The following FZD6 variants were observed in gnomAD, a reference collection of about 807,000 sequenced individuals.
FZD6 encodes the protein frizzled class receptor 6, also known as frizzled-6.
FZD6 carries 49 observed loss-of-function variants against 61.4 expected under a neutral mutation model. That is an observed-to-expected ratio of 0.80 (90% CI 0.63 to 1.01). The LOEUF (loss-of-function observed/expected upper bound fraction) is 1.01, where lower values mean the gene tolerates loss of function less well. Ranked by LOEUF, FZD6 falls within the 50% of genes least tolerant of loss-of-function variation. FZD6 has a pLI of 0.00. For synonymous variants in FZD6, 265 were observed against 292.2 expected (o/e 0.91, Z 0.95); for missense variants, 724 against 848.2 (o/e 0.85, Z 1.82).
At chr8:103,316,377 G>A (rs1378638783) in intron 2 of FZD6, among the ~76,000 whole-genome samples, 2 of 152,158 alleles carry the variant, frequency 1.3e-5, no homozygotes, top group Non-Finnish European at 2.9e-5. Context: ...TGTCAAATGT[G>A]TTCTGATTAC....
At chr8:103,310,210 A>T (rs1241018422) in intron 2 of FZD6, among the ~76,000 whole-genome samples, 2 of 152,178 alleles carry the variant, frequency 1.3e-5, no homozygotes, top group East Asian at 3.9e-4. Flanking sequence ...CCACCTGCAG[A>T]TCAAACTGTG....
rs1288414004 is a variant in FZD6, at chr8:103,300,294, G to A, written c.177+10G>A. ...CGCGGTGGAAATGGAGGTGAGTAGT[G>A]CTTCATACGTTTATTGAATAGTAGT... On this transcript the variant is annotated intron_variant, in intron 2 of 6. Transcript: ENST00000358755. 6.4e-7 allele frequency: 1 copy of A among 1,560,486 alleles called. No homozygotes were observed.
rs2130254195 is a variant in FZD6, at chr8:103,300,042, G to A, written c.-66G>A. ...ATTTGAACATTTTATCTTTGGATGG[G>A]GATCTTCTGAGGATGCAAAGAGTGA... is the stretch of plus-strand genomic sequence containing the variant. On this transcript the variant is annotated 5_prime_UTR_variant, in exon 2 of 7. Coordinates refer to ENST00000358755, the MANE Select transcript of FZD6 (RefSeq NM_003506.4). 2 of 930,430 alleles carry A rather than the reference G, an allele frequency of 2.1e-6. No homozygotes were observed. Among genetic ancestry groups the A allele is most frequent in the Admixed American group, 3.5e-5 (2 of 57,612 alleles). 57.6% of individuals were successfully genotyped at this position (930,430 alleles called of 1,614,324 possible).
At chr8:103,302,728 G>T (rs557049997) in intron 2 of FZD6, among the ~76,000 whole-genome samples, 1 of 152,274 alleles carries the variant, frequency 6.6e-6, no homozygotes, top group Admixed American at 6.5e-5. Context: ...ATTAAACTGG[G>T]TGATTGTTTT....
intron 3 of FZD6, among the ~76,000 whole-genome samples, chr8:103,322,372 TAAA>T (rs11423905): frequency 1.7e-4 from 21 of 124,604 alleles, no homozygotes; most frequent in African/African-American, 2.1e-4. Context: ...CAGTCTCCAT[TAAA>T]AAAAAAAAAA....
intron 3 of FZD6, among the ~76,000 whole-genome samples, chr8:103,323,830 A>G (rs1371404468): frequency 1.3e-5 from 2 of 152,206 alleles, no homozygotes; most frequent in East Asian, 1.9e-4. Context: ...ATCTCCATCT[A>G]TCACTCAGGA....
chr8:103,320,104 T>TA (rs2130314787), intron 3 of FZD6, among the ~76,000 whole-genome samples: 1 of 16,254 alleles, frequency 6.2e-5, no homozygotes, highest in Non-Finnish European at 9.3e-5. Context: ...GCTGTGGATA[T>TA]AGTAGGTTTG....
intron 1 of FZD6, 132 bp from the exon 2 acceptor site, chr8:103,299,824 C>T (rs1168922330): frequency 5.1e-6 from 2 of 392,474 alleles, no homozygotes; most frequent in East Asian, 5.9e-5. Context: ...GGAAGAGTAT[C>T]TCGTTAGGAC....
Position 103,318,626 on chromosome 8 carries a change from A to G in FZD6, c.214A>G (p.Asn72Asp). The G allele has an allele frequency of 6.2e-7, 1 of 1,611,526 alleles. No homozygotes were observed. The highest frequency in any genetic ancestry group is 8.5e-7 in the Non-Finnish European group (1 of 1,177,658). The part of the protein sequence containing the change: ...LPLANLECSP[N>D]IETFLCKAFV... ...TCTCGCAAATCTGGAATGTTCACCAAACATTGAAACTTTCCTCTGCAAAGC... is the reference window on the plus strand; with the variant it reads ...TCTCGCAAATCTGGAATGTTCACCAGACATTGAAACTTTCCTCTGCAAAGC... The change falls in exon 3 of 7, where the codon AAC (asparagine) becomes GAC (aspartate). Residue 72 changes from asparagine to aspartate, a missense_variant. Coordinates refer to ENST00000358755, the MANE Select transcript of FZD6 (RefSeq NM_003506.4).
intron 2 of FZD6, among the ~76,000 whole-genome samples, chr8:103,301,069 G>A (rs374148475): frequency 3.9e-5 from 6 of 152,262 alleles, no homozygotes; most frequent in Non-Finnish European, 7.4e-5. Context: ...AAACAGAATA[G>A]TAAAGGCTTT....
chr8:103,322,505 C>G (rs1421555570), intron 3 of FZD6, among the ~76,000 whole-genome samples: 2 of 151,968 alleles, frequency 1.3e-5, no homozygotes, highest in Non-Finnish European at 2.9e-5. Flanking sequence ...AATTAGAGTT[C>G]ATGTGGAGAA....
At chr8:103,312,255 G>A (rs1165044115) in intron 2 of FZD6, among the ~76,000 whole-genome samples, 1 of 152,044 alleles carries the variant, frequency 6.6e-6, no homozygotes, top group African/African-American at 2.4e-5. Flanking sequence ...AATTAATAAC[G>A]CTGTTTTAGT....
rs766142758 is a variant in FZD6 at position 103,324,953 on chromosome 8, A to G, written c.847A>G (p.Thr283Ala). The G allele has an allele frequency of 1.2e-6, 2 of 1,614,120 alleles. No homozygotes were observed. The highest frequency in any genetic ancestry group is 2.2e-5 in the South Asian group (2 of 91,092). The change falls in exon 4 of 7, where the codon ACC becomes GCC. Residue 283 changes from threonine to alanine, a missense_variant. Thr to Ala is a moderately conservative substitution (Grantham distance 58, BLOSUM62 0). Coordinates refer to ENST00000358755, the MANE Select transcript of FZD6 (RefSeq NM_003506.4). ...VVLGSQNKAC[T>A]VLFMLLYFFT... ...CCTAGGCTCTCAAAATAAGGCTTGCACCGTTTTGTTCATGCTTTTGTATTT... is the reference window on the plus strand; with the variant it reads ...CCTAGGCTCTCAAAATAAGGCTTGCGCCGTTTTGTTCATGCTTTTGTATTT...
Position 103,324,667 on chromosome 8 carries a change from C to T in FZD6, c.561C>T (p.Asn187=), listed in dbSNP as rs1004957229. 6.2e-7 allele frequency: 1 copy of T among 1,613,886 alleles called. No homozygotes were observed. The highest frequency in any genetic ancestry group is 8.5e-7 in the Non-Finnish European group (1 of 1,179,880). The part of the protein sequence containing the change: ...GIDQCAPPCP[N]MYFKSDELEF... ...ACCAGTGTGCGCCTCCATGCCCCAA[C>T]ATGTATTTTAAAAGTGATGAGCTAG... The change falls in exon 4 of 7, where the codon AAC becomes AAT. Residue 187 remains asparagine, a synonymous_variant. Transcript: ENST00000358755.
At chr8:103,302,242 C>T (rs1814193013) in intron 2 of FZD6, among the ~76,000 whole-genome samples, 2 of 152,098 alleles carry the variant, frequency 1.3e-5, no homozygotes. Context: ...TTTCCTACTG[C>T]CCCTTTCCTA....
chr8:103,315,966 A>C (rs1229253922), intron 2 of FZD6, among the ~76,000 whole-genome samples: 1 of 152,166 alleles, frequency 6.6e-6, no homozygotes, highest in Non-Finnish European at 1.5e-5. Context: ...TAGATTAATC[A>C]GTTTAGCACT....
At chr8:103,328,058 C>T (rs538654334) in intron 4 of FZD6, among the ~76,000 whole-genome samples, 11 of 152,188 alleles carry the variant, frequency 7.2e-5, no homozygotes, top group African/African-American at 2.2e-4. Flanking sequence ...GTATTTTCCC[C>T]TTTCTAGAGA....
intron 2 of FZD6, among the ~76,000 whole-genome samples, chr8:103,301,495 T>C (rs574206634): frequency 6.6e-6 from 1 of 152,328 alleles, no homozygotes; most frequent in East Asian, 1.9e-4. Context: ...TGTTTTGTAG[T>C]GTTCATGTTT....
chr8:103,304,853 A>T (rs1251882830), intron 2 of FZD6, among the ~76,000 whole-genome samples: 1 of 152,238 alleles, frequency 6.6e-6, no homozygotes, highest in African/African-American at 2.4e-5. Flanking sequence ...AAATTTTTTA[A>T]AGTAAAATTT....
Sources: gnomAD v4.1 joint callset for allele counts (sites outside exome capture counted in the v4.1 genomes callset) on GRCh38, gnomAD v4.1.1 for gene constraint, MANE v1.5 for transcripts, NCBI Gene and HGNC (gene_info 2026-07-23, HGNC 2026-07-21) for gene names.